The following CCDC134 variants were observed in gnomAD, a reference collection of about 807,000 sequenced individuals.
CCDC134 encodes coiled-coil domain containing 134.
In CCDC134, 27 loss-of-function variants were observed where a neutral mutation model predicts 25.6. That is an observed-to-expected ratio of 1.05 (90% confidence interval 0.78 to 1.45). CCDC134 has a LOEUF of 1.45. Ranked by LOEUF, CCDC134 falls within the 40% of genes most tolerant of loss-of-function variation. The pLI, the probability that CCDC134 is intolerant of heterozygous loss-of-function variation, is 0.00. For missense variants in CCDC134, 261 were observed against 286.7 expected (o/e 0.91, Z 0.65); for synonymous variants, 110 against 115.0 (o/e 0.96, Z 0.28).
At chr22:41,818,234 G>A (rs139571) in intron 6 of CCDC134, among the ~76,000 whole-genome samples, 25,256 of 152,150 alleles carry the variant, frequency 0.17, 3,045 homozygotes, top group Admixed American at 0.36. Flanking sequence ...TTGTAACAAC[G>A]TGTTTAAAAT....
chr22:41,823,491 G>A (rs1292441429), intron 6 of CCDC134, among the ~76,000 whole-genome samples: 1 of 119,658 alleles, frequency 8.4e-6, no homozygotes, highest in Non-Finnish European at 1.8e-5. Flanking sequence ...TTCCCAAAAT[G>A]CTGGGATTAT....
intron 4 of CCDC134, among the ~76,000 whole-genome samples, chr22:41,812,699 A>G (rs2076603136): frequency 6.6e-6 from 1 of 152,140 alleles, no homozygotes; most frequent in South Asian, 2.1e-4. Flanking sequence ...AAGCACTTAA[A>G]ATGAAATAAA....
intron 1 of CCDC134, among the ~76,000 whole-genome samples, chr22:41,806,882 A>C (rs1006878143): frequency 6.6e-6 from 1 of 152,098 alleles, no homozygotes; most frequent in African/African-American, 2.4e-5. Context: ...CCCCGTTGCT[A>C]CTAAAAATAC....
At chr22:41,821,877 G>T (rs915042891) in intron 6 of CCDC134, among the ~76,000 whole-genome samples, 5 of 152,256 alleles carry the variant, frequency 3.3e-5, no homozygotes, top group African/African-American at 1.2e-4. Flanking sequence ...AGCTGTGGGG[G>T]TTGTCTCCTG....
intron 1 of CCDC134, among the ~76,000 whole-genome samples, chr22:41,802,482 A>C (rs543914342): frequency 1.3e-5 from 2 of 152,230 alleles, no homozygotes; most frequent in East Asian, 3.9e-4. Context: ...TTGGGAGGTC[A>C]AGGAGGGAGT....
Position 41,829,686 on chromosome 22 carries a change from T to C in CCDC134, c.*3863T>C, listed in dbSNP as rs1043539293. Among the ~76,000 whole-genome samples, 3 of 152,216 alleles carry C rather than the reference T, an allele frequency of 2.0e-5. No individual in the cohort carries two copies. Among genetic ancestry groups the C allele is most frequent in the Admixed American group, 6.5e-5 (1 of 15,282 alleles). On this transcript the variant is annotated 3_prime_UTR_variant, in exon 7 of 7. Coordinates refer to ENST00000255784, the MANE Select transcript of CCDC134 (RefSeq NM_024821.5). The stretch of plus-strand genomic sequence containing the variant: ...TGAAAAACCATATACAAAATTATCT[T>C]CTGTGACCCGTAGCACATGCCCAAT...
intron 1 of CCDC134, among the ~76,000 whole-genome samples, chr22:41,806,826 C>T (rs1413841756): frequency 2.0e-5 from 3 of 151,870 alleles, no homozygotes; most frequent in Non-Finnish European, 4.4e-5. Context: ...GGCGGTGGAT[C>T]ACCTAAGGTC....
At chr22:41,803,127 T>G (rs906426185) in intron 1 of CCDC134, among the ~76,000 whole-genome samples, 10 of 150,592 alleles carry the variant, frequency 6.6e-5, no homozygotes, top group Admixed American at 6.6e-4. Context: ...AAAAAAAAAG[T>G]TATCTGGGCA....
In CCDC134 at chr22:41,827,613, T is replaced by C. The variant is rs1029808921; in HGVS notation, c.*1790T>C. Among the ~76,000 whole-genome samples, 1 of 152,242 alleles carries C rather than the reference T, an allele frequency of 6.6e-6. No individual in the cohort carries two copies. The highest frequency in any genetic ancestry group is 1.5e-5 in the Non-Finnish European group (1 of 68,030). ...CCCACTAGAGGATTCCATTGGTTAC[T>C]TGAGGTACACCCTATGTAAATGGAA... On this transcript the variant is annotated 3_prime_UTR_variant, in exon 7 of 7. Transcript: ENST00000255784.
intron 4 of CCDC134, among the ~76,000 whole-genome samples, chr22:41,811,903 C>T (rs1248336283): frequency 1.3e-5 from 2 of 152,132 alleles, no homozygotes; most frequent in Non-Finnish European, 2.9e-5. Context: ...TTGGTGTGCA[C>T]GGGTCAAACC....
chr22:41,816,773 C>T (rs911349884), intron 6 of CCDC134, among the ~76,000 whole-genome samples: 13 of 152,084 alleles, frequency 8.5e-5, no homozygotes, highest in Non-Finnish European at 1.9e-4. Flanking sequence ...CAAAAATTAT[C>T]CGGGTGTGGT....
In CCDC134 at chr22:41,826,028, T is replaced by A; in HGVS notation, c.*205T>A. On this transcript the variant is annotated 3_prime_UTR_variant, in exon 7 of 7. Coordinates refer to ENST00000255784, the MANE Select transcript of CCDC134 (RefSeq NM_024821.5). Reference sequence around the variant, plus strand: ...GGATTTTCTCTCAGGGGCCTCCTGCTGAAGGGGCCTTCAGAGGATTTTATG... The same window carrying A: ...GGATTTTCTCTCAGGGGCCTCCTGCAGAAGGGGCCTTCAGAGGATTTTATG... 1 of 598,966 alleles carries A rather than the reference T, an allele frequency of 1.7e-6. No individual in the cohort carries two copies. The highest frequency in any genetic ancestry group is 2.9e-6 in the Non-Finnish European group (1 of 341,778). The allele number at this position is 598,966 out of a possible 1,614,324, so 37.1% of individuals were successfully genotyped here. A position where few individuals can be genotyped will look rare whatever the true frequency, so the allele number is the denominator to read the frequency against.
chr22:41,825,849 G>A lies in CCDC134; in HGVS notation c.*26G>A. On this transcript the variant is annotated 3_prime_UTR_variant, in exon 7 of 7. Coordinates refer to ENST00000255784, the MANE Select transcript of CCDC134 (RefSeq NM_024821.5). This position sits in a 1 kb window ranked among gnomAD's most constrained non-coding sequence, Gnocchi z 4.4. ...CCCTGGAGCAGCTCAGGGCTCAGGG[G>A]GCCACAAGGAGGCAGGTCGGGAGGA... 3 of 1,611,938 alleles carry A rather than the reference G, an allele frequency of 1.9e-6. No homozygotes were observed. The highest frequency in any genetic ancestry group is 2.5e-6 in the Non-Finnish European group (3 of 1,178,636).
At chr22:41,821,927 G>T (rs977993306) in intron 6 of CCDC134, among the ~76,000 whole-genome samples, 1 of 152,172 alleles carries the variant, frequency 6.6e-6, no homozygotes, top group African/African-American at 2.4e-5. Flanking sequence ...GCAAGGTCAT[G>T]GTCTGGGAGT....
rs1346421108 is a variant in CCDC134, at chr22:41,809,011, A to G, written c.103+18A>G. The G allele has an allele frequency of 1.3e-6, 2 of 1,589,788 alleles. No individual in the cohort carries two copies. Among genetic ancestry groups the G allele is most frequent in the Middle Eastern group, 1.7e-4 (1 of 6,028 alleles). On this transcript the variant is annotated intron_variant, in intron 2 of 6. Coordinates refer to ENST00000255784, the MANE Select transcript of CCDC134 (RefSeq NM_024821.5). ...GGAGATCTGTATCCTTTGGGGTTGT[A>G]GTTAATGAGCTGTCTTTGAGAGGTC...
At position 41,829,237 on chromosome 22, in the gene CCDC134, G is replaced by A. The variant is rs542348718; in HGVS notation, c.*3414G>A. Among the ~76,000 whole-genome samples, 1 of 152,170 alleles carries A rather than the reference G, an allele frequency of 6.6e-6. No homozygotes were observed. Among genetic ancestry groups the A allele is most frequent in the Non-Finnish European group, 1.5e-5 (1 of 68,028 alleles). On this transcript the variant is annotated 3_prime_UTR_variant, in exon 7 of 7. Transcript: ENST00000255784. Reference sequence around the variant, plus strand: ...CCTTCCCCATCACTGTCCTCAGAGAGATGCTGTTGACAGCTCCTTGAGGTG... The same window carrying A: ...CCTTCCCCATCACTGTCCTCAGAGAAATGCTGTTGACAGCTCCTTGAGGTG...
At chr22:41,802,850 C>T (rs1322186154) in intron 1 of CCDC134, among the ~76,000 whole-genome samples, 1 of 148,848 alleles carries the variant, frequency 6.7e-6, no homozygotes, top group African/African-American at 2.5e-5. Context: ...GGAGGCAGAG[C>T]TTGCAGTGAA....
chr22:41,813,502 C>A, intron 5 of CCDC134, 57 bp downstream of exon 5: 1 of 1,578,628 alleles, frequency 6.3e-7, no homozygotes, highest in Non-Finnish European at 8.7e-7. Context: ...GGACTAGGAT[C>A]CTCACATCTG....
chr22:41,816,348 G>T (rs990503195), intron 6 of CCDC134, among the ~76,000 whole-genome samples: 1 of 152,206 alleles, frequency 6.6e-6, no homozygotes, highest in Non-Finnish European at 1.5e-5. Flanking sequence ...TATCTGTCAG[G>T]TTGAAACAAA....
Sources: gnomAD v4.1 joint callset for allele counts (sites outside exome capture counted in the v4.1 genomes callset) on GRCh38, gnomAD v4.1.1 for gene constraint, Gnocchi (gnomAD v3.1) non-coding constraint, MANE v1.5 for transcripts, NCBI Gene and HGNC (gene_info 2026-07-23, HGNC 2026-07-21) for gene names.